The following INPP4B variants were observed in gnomAD, a reference collection of about 807,000 sequenced individuals.
INPP4B encodes the protein inositol polyphosphate 4-phosphatase type II.
In INPP4B, 55 loss-of-function variants were observed where a neutral mutation model predicts 122.5. The ratio of observed to expected loss-of-function variants is 0.45; its 90% confidence interval spans 0.36 to 0.56. INPP4B has a LOEUF of 0.56. INPP4B is among the 20% of genes least tolerant of loss of function. The pLI is 0.00. For synonymous variants in INPP4B, 403 were observed against 388.7 expected (o/e 1.04, Z -0.43); for missense variants, 1,000 against 1,097.7 (o/e 0.91, Z 1.26).
chr4:142,341,677 C>T (rs1167806685), intron 7 of INPP4B, among the ~76,000 whole-genome samples: 4 of 152,104 alleles, frequency 2.6e-5, no homozygotes, highest in Non-Finnish European at 4.4e-5. Context: ...TAGGATGTCA[C>T]CTTGCGATTA....
chr4:142,545,688 CATATATATGTGT>C (rs150841907), intron 2 of INPP4B, among the ~76,000 whole-genome samples: 5,456 of 131,794 alleles, frequency 0.041, 302 homozygotes, highest in African/African-American at 0.09. Context: ...TTAATACACA[CATATATATGTGT>C]ATATATATGT....
intron 23 of INPP4B, among the ~76,000 whole-genome samples, chr4:142,086,543 A>G (rs1390946910): frequency 2.6e-5 from 4 of 152,086 alleles, no homozygotes; most frequent in Non-Finnish European, 5.9e-5. Context: ...TTGCAGAGAC[A>G]GGGTTTGGCC....
At chr4:142,764,482 TA>T (rs577305267) in intron 1 of INPP4B, among the ~76,000 whole-genome samples, 11 of 149,600 alleles carry the variant, frequency 7.4e-5, no homozygotes, top group East Asian at 5.9e-4. Flanking sequence ...TACTGTCAAA[TA>T]AAAAAAAAAT....
At chr4:142,323,439 A>G (rs1770910006) in intron 7 of INPP4B, among the ~76,000 whole-genome samples, 1 of 143,136 alleles carries the variant, frequency 7.0e-6, no homozygotes, top group Non-Finnish European at 1.5e-5. Flanking sequence ...TACGGTTATG[A>G]TGACTTTTTT....
At chr4:142,318,176 T>C (rs955481862) in intron 7 of INPP4B, among the ~76,000 whole-genome samples, 1 of 151,730 alleles carries the variant, frequency 6.6e-6, no homozygotes, top group African/African-American at 2.4e-5. Context: ...CTGCAAACAG[T>C]ACGTGACCCA....
intron 10 of INPP4B, among the ~76,000 whole-genome samples, chr4:142,266,450 A>T (rs1475539229): frequency 6.6e-6 from 1 of 152,194 alleles, no homozygotes; most frequent in Non-Finnish European, 1.5e-5. Flanking sequence ...AAAGAAAAAA[A>T]AATTGAAAGA....
chr4:142,661,297 A>G (rs561730456), intron 2 of INPP4B, among the ~76,000 whole-genome samples: 2 of 152,348 alleles, frequency 1.3e-5, no homozygotes, highest in African/African-American at 4.8e-5. Context: ...ACATTTATCA[A>G]TAAGAACATA....
At chr4:142,062,066 AC>A (rs1483373579) in intron 25 of INPP4B, among the ~76,000 whole-genome samples, 1 of 152,090 alleles carries the variant, frequency 6.6e-6, no homozygotes, top group African/African-American at 2.4e-5. Context: ...ATTTTGTCAA[AC>A]AAAAGTGATT....
At chr4:142,196,027 AG>A (rs1838059663) in intron 14 of INPP4B, among the ~76,000 whole-genome samples, 1 of 152,224 alleles carries the variant, frequency 6.6e-6, no homozygotes, top group South Asian at 2.1e-4. Context: ...ACATCTATGA[AG>A]AAACCGAGAC....
intron 17 of INPP4B, among the ~76,000 whole-genome samples, chr4:142,159,041 A>G (rs1246833092): frequency 6.6e-6 from 1 of 151,978 alleles, no homozygotes; most frequent in Non-Finnish European, 1.5e-5. Context: ...TCTTCTTAAT[A>G]AGATTATATA....
intron 1 of INPP4B, among the ~76,000 whole-genome samples, chr4:142,777,124 A>G (rs1192428173): frequency 2.0e-5 from 3 of 152,132 alleles, no homozygotes; most frequent in East Asian, 1.9e-4. Context: ...AGAGCTTTCT[A>G]CAACTATGGA....
At chr4:142,352,868 T>A (rs1331536222) in intron 7 of INPP4B, among the ~76,000 whole-genome samples, 1 of 152,006 alleles carries the variant, frequency 6.6e-6, no homozygotes, top group East Asian at 1.9e-4. Context: ...AAAAGTCACA[T>A]GCTACGTTAT....
chr4:142,742,001 A>C (rs1767969170), intron 1 of INPP4B, among the ~76,000 whole-genome samples: 1 of 152,052 alleles, frequency 6.6e-6, no homozygotes, highest in South Asian at 2.1e-4. Flanking sequence ...AAGCAGAATA[A>C]ATAAAAAGAA....
In INPP4B at chr4:142,613,154, G is replaced by A. The variant is rs565183944; in HGVS notation, c.-191+112685C>T. On this transcript the variant is annotated intron_variant, in intron 2 of 25. Transcript: ENST00000262992. ...CAATAAAGAGAGAGCTTTTCTCCCT[G>A]ATGATCAGAGACCTACCAGTCTTTA... Among the ~76,000 whole-genome samples, 10 of 152,256 alleles carry A rather than the reference G, an allele frequency of 6.6e-5. No homozygotes were observed. In the East Asian group the frequency reaches 1.9e-3, roughly 29 times the overall value.
At chr4:142,728,541 A>G (rs570450163) in intron 1 of INPP4B, among the ~76,000 whole-genome samples, 3 of 152,336 alleles carry the variant, frequency 2.0e-5, no homozygotes, top group Admixed American at 2.0e-4. Flanking sequence ...TTAAACTAGT[A>G]TGACTGGCAA....
intron 17 of INPP4B, among the ~76,000 whole-genome samples, chr4:142,149,702 G>T (rs148761744): frequency 6.6e-6 from 1 of 152,194 alleles, no homozygotes; most frequent in Non-Finnish European, 1.5e-5. Context: ...TCTACAAAAT[G>T]AACTGGCTGG....
chr4:142,683,280 C>A (rs1758891919), intron 2 of INPP4B, among the ~76,000 whole-genome samples: 1 of 151,848 alleles, frequency 6.6e-6, no homozygotes, highest in African/African-American at 2.4e-5. Flanking sequence ...GTATTGAGAG[C>A]ACAAAACAGG....
At chr4:142,103,980 G>A (rs943776771) in intron 23 of INPP4B, among the ~76,000 whole-genome samples, 3 of 151,806 alleles carry the variant, frequency 2.0e-5, no homozygotes, top group Non-Finnish European at 2.9e-5. Flanking sequence ...GTATAGAACA[G>A]GTTAAAAAAA....
chr4:142,417,521 T>C (rs1463562925), intron 5 of INPP4B, among the ~76,000 whole-genome samples: 1 of 152,162 alleles, frequency 6.6e-6, no homozygotes, highest in Non-Finnish European at 1.5e-5. Flanking sequence ...TTCCTAACAA[T>C]GTATTAGTAA....
Sources: allele counts gnomAD v4.1 joint callset (sites outside exome capture counted in the v4.1 genomes callset), GRCh38; gene constraint gnomAD v4.1.1; transcripts MANE v1.5; gene names NCBI Gene and HGNC (gene_info 2026-07-23, HGNC 2026-07-21).